EYS: variants seen among roughly 807,000 people sequenced by gnomAD.
EYS encodes the protein EGF-like photoreceptor maintenance factor.
Under a neutral mutation model 282.1 loss-of-function variants are expected in EYS, and 250 were observed. The ratio of observed to expected loss-of-function variants is 0.89; its 90% CI spans 0.80 to 0.98. EYS has a LOEUF of 0.98. Ranked by LOEUF, EYS falls within the 50% of genes least tolerant of loss-of-function variation. The probability of loss-of-function intolerance (pLI) is 0.00; values close to 1 mark genes in which losing one functional copy is unlikely to be tolerated. For missense variants in EYS, 4,016 were observed against 3,709.0 expected (o/e 1.08, Z -2.15); for synonymous variants, 1,355 against 1,282.9 (o/e 1.06, Z -1.20).
intron 12 of EYS, among the ~76,000 whole-genome samples, chr6:65,068,038 G>T (rs1397177512): frequency 6.6e-6 from 1 of 151,974 alleles, no homozygotes; most frequent in Admixed American, 6.6e-5. Flanking sequence ...TCACTGTATT[G>T]CAAAGTCTAA....
intron 29 of EYS, among the ~76,000 whole-genome samples, chr6:64,316,926 T>C (rs1255245504): frequency 6.6e-6 from 1 of 152,140 alleles, no homozygotes; most frequent in Non-Finnish European, 1.5e-5. Context: ...TACAACCATC[T>C]GATCTTTGAC....
intron 22 of EYS, among the ~76,000 whole-genome samples, chr6:64,710,603 G>C (rs1311981960): frequency 6.6e-6 from 1 of 152,174 alleles, no homozygotes; most frequent in Non-Finnish European, 1.5e-5. Context: ...CTTCCTTCCT[G>C]TGTTTCCTTC....
chr6:65,543,104 T>G (rs1408734085), intron 2 of EYS, among the ~76,000 whole-genome samples: 1 of 152,038 alleles, frequency 6.6e-6, no homozygotes, highest in Non-Finnish European at 1.5e-5. Context: ...CTGCAACATC[T>G]GCCCCCCAGG....
At chr6:64,345,830 A>G (rs1015627777) in intron 29 of EYS, among the ~76,000 whole-genome samples, 12 of 152,166 alleles carry the variant, frequency 7.9e-5, no homozygotes, top group Admixed American at 2.6e-4. Flanking sequence ...TCCAGAATCT[A>G]CAACAAACTC....
intron 31 of EYS, among the ~76,000 whole-genome samples, chr6:64,098,883 A>G (rs1772729097): frequency 6.6e-6 from 1 of 152,136 alleles, no homozygotes; most frequent in South Asian, 2.1e-4. Flanking sequence ...GATTACAAGC[A>G]TGAGCCACTG....
At chr6:64,679,448 T>A (rs750405482) in intron 22 of EYS, among the ~76,000 whole-genome samples, 4 of 152,248 alleles carry the variant, frequency 2.6e-5, no homozygotes, top group African/African-American at 4.8e-5. Flanking sequence ...GGTAGTCATT[T>A]GGATTGTTTC....
intron 5 of EYS, among the ~76,000 whole-genome samples, chr6:65,465,298 T>G (rs1764960948): frequency 6.6e-6 from 1 of 151,924 alleles, no homozygotes; most frequent in African/African-American, 2.4e-5. Context: ...AGCAACATAA[T>G]GGTACCTCAT....
chr6:65,398,608 A>G (rs1490710778), intron 7 of EYS, among the ~76,000 whole-genome samples: 1 of 152,100 alleles, frequency 6.6e-6, no homozygotes, highest in Non-Finnish European at 1.5e-5. Context: ...CAAAACAAAA[A>G]TAGACAAAAA....
intron 2 of EYS, among the ~76,000 whole-genome samples, chr6:65,578,878 A>C (rs1400453012): frequency 6.6e-6 from 1 of 152,118 alleles, no homozygotes; most frequent in East Asian, 1.9e-4. Context: ...ATATTGACTG[A>C]GGCATTAAAG....
chr6:64,854,610 G>C (rs1235225628), intron 19 of EYS, among the ~76,000 whole-genome samples: 1 of 110,424 alleles, frequency 9.1e-6, no homozygotes, highest in African/African-American at 3.4e-5. Flanking sequence ...GGGGAGGGGG[G>C]AGGGATAGCA....
chr6:64,468,864 T>C (rs1776012734), intron 26 of EYS, among the ~76,000 whole-genome samples: 1 of 152,226 alleles, frequency 6.6e-6, no homozygotes, highest in African/African-American at 2.4e-5. Flanking sequence ...TAGTATTCCG[T>C]GGTGTATACA....
intron 18 of EYS, among the ~76,000 whole-genome samples, chr6:64,892,535 A>G (rs973696826): frequency 1.3e-5 from 2 of 152,054 alleles, no homozygotes; most frequent in African/African-American, 2.4e-5. Context: ...TGTATTTTAA[A>G]GCATTTCTAC....
At chr6:65,391,925 A>G (rs1171105720) in intron 7 of EYS, among the ~76,000 whole-genome samples, 1 of 152,116 alleles carries the variant, frequency 6.6e-6, no homozygotes, top group Non-Finnish European at 1.5e-5. Flanking sequence ...AAACTATACT[A>G]CAAGGCTATA....
intron 14 of EYS, among the ~76,000 whole-genome samples, chr6:64,965,838 T>A (rs1770077269): frequency 6.6e-6 from 1 of 152,160 alleles, no homozygotes; most frequent in Admixed American, 6.5e-5. Context: ...ATATTAGAGA[T>A]ACATAGATTG....
At chr6:65,420,938 A>G (rs1449851388) in intron 5 of EYS, among the ~76,000 whole-genome samples, 3 of 151,796 alleles carry the variant, frequency 2.0e-5, no homozygotes, top group African/African-American at 7.2e-5. Flanking sequence ...ACTATGCTGT[A>G]AACAGGTGTG....
intron 24 of EYS, among the ~76,000 whole-genome samples, chr6:64,615,915 C>G (rs773355101): frequency 1.3e-5 from 2 of 151,872 alleles, no homozygotes; most frequent in Non-Finnish European, 2.9e-5. Context: ...CTATATTTTC[C>G]AAGATGTTTC....
chr6:65,049,396 G>T (rs1279475916), intron 13 of EYS, among the ~76,000 whole-genome samples: 1 of 151,754 alleles, frequency 6.6e-6, no homozygotes, highest in Non-Finnish European at 1.5e-5. Context: ...ACGAGGATAT[G>T]CATGGCAGTT....
chr6:65,651,591 G>A (rs970240241), intron 1 of EYS, among the ~76,000 whole-genome samples: 5 of 151,894 alleles, frequency 3.3e-5, no homozygotes, highest in African/African-American at 1.2e-4. Flanking sequence ...CTCTCCAGTT[G>A]CAAAACTCTT....
At chr6:64,854,205 A>G (rs981760096) in intron 19 of EYS, among the ~76,000 whole-genome samples, 2 of 152,278 alleles carry the variant, frequency 1.3e-5, no homozygotes, top group Admixed American at 1.3e-4. Context: ...TTCCTCAATG[A>G]TCTACAACTA....
Sources: gnomAD v4.1 joint callset for allele counts (sites outside exome capture counted in the v4.1 genomes callset) on GRCh38, gnomAD v4.1.1 for gene constraint, MANE v1.5 for transcripts, NCBI Gene and HGNC (gene_info 2026-07-23, HGNC 2026-07-21) for gene names.